The following PCSK5 variants were observed in gnomAD, a reference collection of about 807,000 sequenced individuals.
The protein encoded by PCSK5 is prohormone convertase 5.
A neutral mutation model predicts 233.2 loss-of-function variants in PCSK5; 129 were observed. The ratio of observed to expected loss-of-function variants is 0.55; its 90% CI spans 0.48 to 0.64. PCSK5 has a LOEUF of 0.64. PCSK5 is among the 30% of genes least tolerant of loss of function. PCSK5 has a pLI of 0.00. For missense variants in PCSK5, 2,076 were observed against 2,430.1 expected, an observed-to-expected ratio of 0.85 and a Z score of 3.06; for synonymous variants, 825 against 879.2, an observed-to-expected ratio of 0.94 and a Z score of 1.09.
intron 10 of PCSK5, among the ~76,000 whole-genome samples, chr9:76,144,247 A>ATG (rs1157763967): frequency 6.6e-6 from 1 of 152,122 alleles, no homozygotes; most frequent in Non-Finnish European, 1.5e-5. Flanking sequence ...AATATACTGT[A>ATG]TGGGATGGTT....
At chr9:75,898,943 T>C (rs1340811485) in intron 1 of PCSK5, among the ~76,000 whole-genome samples, 3 of 152,230 alleles carry the variant, frequency 2.0e-5, no homozygotes, top group Admixed American at 6.5e-5. Flanking sequence ...ATAGTATGGT[T>C]CAGTCACGCC....
At chr9:76,096,534 G>A (rs1831521433) in intron 8 of PCSK5, among the ~76,000 whole-genome samples, 1 of 151,814 alleles carries the variant, frequency 6.6e-6, no homozygotes, top group Admixed American at 6.6e-5. Context: ...AGTGTATAAG[G>A]AAACTCAGAA....
chr9:76,259,994 T>G (rs1827117761), intron 24 of PCSK5, among the ~76,000 whole-genome samples: 1 of 152,230 alleles, frequency 6.6e-6, no homozygotes. Context: ...CCAGGACAGC[T>G]TTGCTTTCAT....
At chr9:75,945,353 T>C (rs1462466122) in intron 2 of PCSK5, among the ~76,000 whole-genome samples, 1 of 152,136 alleles carries the variant, frequency 6.6e-6, no homozygotes, top group Non-Finnish European at 1.5e-5. Flanking sequence ...ATTCTCTCCC[T>C]TTCCCTCGTT....
intron 9 of PCSK5, among the ~76,000 whole-genome samples, chr9:76,127,860 C>T (rs1046903855): frequency 1.5e-5 from 2 of 134,632 alleles, no homozygotes; most frequent in Non-Finnish European, 3.3e-5. Context: ...CTCCACATTG[C>T]GGCTGAGGAA....
rs368673541 is a variant in PCSK5 at position 76,328,001 on chromosome 9, G to A, written c.4340-8G>A. The A allele has an allele frequency of 1.8e-4, 282 of 1,589,718 alleles. 2 individuals carry two copies. In the South Asian group the frequency reaches 2.8e-3, roughly 16 times the overall value. The stretch of plus-strand genomic sequence containing the variant: ...CTCACTCTGTCTGCTGCCCCTCCAC[G>A]CCCACAGATTGCCACAAGTCCTGCT... On this transcript the variant is annotated splice_region_variant and splice_polypyrimidine_tract_variant and intron_variant, in intron 32 of 37. Coordinates refer to ENST00000674117, the MANE Select transcript of PCSK5 (RefSeq NM_001372043.1).
chr9:76,216,792 T>C (rs1825550828), intron 20 of PCSK5, among the ~76,000 whole-genome samples: 1 of 152,176 alleles, frequency 6.6e-6, no homozygotes, highest in African/African-American at 2.4e-5. Flanking sequence ...CCTGAAGAGT[T>C]GTGGAGAAGA....
intron 8 of PCSK5, among the ~76,000 whole-genome samples, chr9:76,104,092 C>T (rs954200531): frequency 1.3e-5 from 2 of 152,102 alleles, no homozygotes; most frequent in African/African-American, 4.8e-5. Flanking sequence ...GTTTTCATAA[C>T]GTCATTTTTC....
chr9:76,348,516 A>C (rs190574984), intron 35 of PCSK5, among the ~76,000 whole-genome samples: 165 of 152,134 alleles, frequency 1.1e-3, no homozygotes, highest in African/African-American at 3.8e-3. Context: ...CAGGAGGTCG[A>C]GGCTGCAGTG....
At chr9:76,133,447 T>C (rs571821252) in intron 9 of PCSK5, among the ~76,000 whole-genome samples, 88 of 152,184 alleles carry the variant, frequency 5.8e-4, no homozygotes, top group African/African-American at 2.1e-3. Flanking sequence ...TCTTCAGTGC[T>C]AGTAGCCATA....
chr9:75,964,566 G>A (rs192029523), intron 2 of PCSK5, among the ~76,000 whole-genome samples: 9 of 152,320 alleles, frequency 5.9e-5, no homozygotes, highest in East Asian at 3.9e-4. Flanking sequence ...CCTGCCTTCC[G>A]TAAGCGGAGA....
At chr9:75,935,884 T>C (rs1173221323) in intron 2 of PCSK5, among the ~76,000 whole-genome samples, 1 of 152,334 alleles carries the variant, frequency 6.6e-6, no homozygotes, top group South Asian at 2.1e-4. Context: ...ACTGGTAGTG[T>C]TAACTTTGAA....
chr9:76,319,193 G>A (rs1292380708), intron 30 of PCSK5, among the ~76,000 whole-genome samples: 1 of 152,010 alleles, frequency 6.6e-6, no homozygotes, highest in East Asian at 1.9e-4. Flanking sequence ...GGCCGGGCGC[G>A]GTGGCTCACG....
chr9:75,929,781 C>T (rs543127148), intron 1 of PCSK5, among the ~76,000 whole-genome samples: 1 of 152,178 alleles, frequency 6.6e-6, no homozygotes, highest in South Asian at 2.1e-4. Context: ...GGGTGAAAGG[C>T]ACGTCTCACA....
chr9:76,273,298 T>C lies in PCSK5; in HGVS notation c.3143-18935T>C, dbSNP rs12344701. Among the ~76,000 whole-genome samples, 1,198 of 152,192 alleles carry C rather than the reference T, an allele frequency of 7.9e-3. 13 individuals carry two copies. Among genetic ancestry groups the C allele is most frequent in the African/African-American group, 0.028 (1,143 of 41,542 alleles). ...TTTCTTAGCAAATTGTTCAGAATCCTCTTAGCAATACTGAAAACACAGAAT... is the reference window on the plus strand; with the variant it reads ...TTTCTTAGCAAATTGTTCAGAATCCCCTTAGCAATACTGAAAACACAGAAT... On this transcript the variant is annotated intron_variant, in intron 24 of 37. Transcript: ENST00000674117.
intron 16 of PCSK5, among the ~76,000 whole-genome samples, chr9:76,183,371 TACA>T (rs1188692064): frequency 6.6e-6 from 1 of 152,182 alleles, no homozygotes; most frequent in Non-Finnish European, 1.5e-5. Flanking sequence ...TCCATTTATG[TACA>T]ACATGATGAT....
intron 33 of PCSK5, among the ~76,000 whole-genome samples, chr9:76,329,287 T>A (rs1432658296): frequency 6.6e-6 from 1 of 151,874 alleles, no homozygotes; most frequent in East Asian, 1.9e-4. Context: ...ATTACAGGCA[T>A]GAACCACCAT....
intron 1 of PCSK5, among the ~76,000 whole-genome samples, chr9:75,924,369 G>A (rs1385621667): frequency 6.6e-6 from 1 of 152,118 alleles, no homozygotes; most frequent in Non-Finnish European, 1.5e-5. Context: ...AAAAAAAATA[G>A]CTTTTTTGTC....
At chr9:76,352,163 T>C (rs1459958980) in intron 36 of PCSK5, among the ~76,000 whole-genome samples, 2 of 152,236 alleles carry the variant, frequency 1.3e-5, no homozygotes, top group Admixed American at 6.5e-5. Flanking sequence ...TATTTCTTAA[T>C]GATACGCTAA....
Sources: gnomAD v4.1 joint callset for allele counts (sites outside exome capture counted in the v4.1 genomes callset) on GRCh38, gnomAD v4.1.1 for gene constraint, MANE v1.5 for transcripts, NCBI Gene and HGNC (gene_info 2026-07-23, HGNC 2026-07-21) for gene names.